Variants in DNM3 observed in about 807,000 individuals in gnomAD.
The protein encoded by DNM3 is dynamin-3.
In DNM3, 47 loss-of-function variants were observed where a neutral mutation model predicts 101.6. The observed-to-expected ratio is 0.46, with a 90% CI of 0.37 to 0.59. The LOEUF (loss-of-function observed/expected upper bound fraction) is 0.59, where lower values mean the gene tolerates loss of function less well. Ranked by LOEUF, DNM3 falls within the 20% of genes least tolerant of loss-of-function variation. The pLI is 0.00. For missense variants in DNM3, 849 were observed against 1,085.7 expected, an observed-to-expected ratio of 0.78 and a Z score of 3.06; for synonymous variants, 385 against 387.9, an observed-to-expected ratio of 0.99 and a Z score of 0.09.
At chr1:172,240,724 A>G (rs972063975) in intron 14 of DNM3, among the ~76,000 whole-genome samples, 1 of 152,216 alleles carries the variant, frequency 6.6e-6, no homozygotes, top group Non-Finnish European at 1.5e-5. Context: ...CATAAGTCAG[A>G]GTTGAAAGAC....
rs1199968252 is a variant in DNM3 at position 172,412,676 on chromosome 1, G to A, written c.*4835G>A. ...CATGTACCTATTGTGAAAATGTGAA[G>A]CTGTATTTCTGAAGCTGAAATAAAT... is the stretch of plus-strand genomic sequence containing the variant. On this transcript the variant is annotated 3_prime_UTR_variant, in exon 21 of 21. Coordinates refer to ENST00000627582, the MANE Select transcript of DNM3 (RefSeq NM_015569.5). 1.0e-6 allele frequency: 1 copy of A among 985,634 alleles called. No homozygotes were observed. The highest frequency in any genetic ancestry group is 4.7e-5 in the South Asian group (1 of 21,274). 61.1% of individuals were successfully genotyped at this position (985,634 alleles called of 1,614,324 possible).
At chr1:171,867,739 C>T (rs147753843) in intron 1 of DNM3, among the ~76,000 whole-genome samples, 214 of 152,244 alleles carry the variant, frequency 1.4e-3, no homozygotes, top group African/African-American at 4.9e-3. Context: ...AAGAACATCC[C>T]CATCATCCTA....
chr1:171,907,891 A>G (rs913029490), intron 1 of DNM3, among the ~76,000 whole-genome samples: 2 of 152,214 alleles, frequency 1.3e-5, no homozygotes, highest in Non-Finnish European at 2.9e-5. Context: ...TCATGTTGAC[A>G]TACAGAATTG....
chr1:171,851,661 G>A (rs1013439872), intron 1 of DNM3, among the ~76,000 whole-genome samples: 1 of 152,270 alleles, frequency 6.6e-6, no homozygotes, highest in Admixed American at 6.5e-5. Flanking sequence ...TGATTTGCCC[G>A]CCTCTGCCTC....
At chr1:171,842,207 C>G (rs1216418889) in intron 1 of DNM3, among the ~76,000 whole-genome samples, 1 of 152,134 alleles carries the variant, frequency 6.6e-6, no homozygotes, top group Non-Finnish European at 1.5e-5. Flanking sequence ...GTGCCCCTCT[C>G]CTGTTTTCCC....
intron 17 of DNM3, among the ~76,000 whole-genome samples, chr1:172,345,575 C>T (rs2066890941): frequency 6.6e-6 from 1 of 152,182 alleles, no homozygotes; most frequent in African/African-American, 2.4e-5. Context: ...CATACATACA[C>T]ATATGCACAC....
chr1:172,132,639 T>C (rs2057001282), intron 14 of DNM3, among the ~76,000 whole-genome samples: 1 of 152,128 alleles, frequency 6.6e-6, no homozygotes, highest in African/African-American at 2.4e-5. Flanking sequence ...CTCCAAGGAT[T>C]TAGATGATAA....
intron 15 of DNM3, among the ~76,000 whole-genome samples, chr1:172,308,407 G>A (rs1022874571): frequency 6.6e-6 from 1 of 152,280 alleles, no homozygotes. Flanking sequence ...CTGAGCAATA[G>A]CAATTCCTTC....
chr1:172,407,895 A>AC lies in DNM3; in HGVS notation c.*54_*55insC. 1.9e-6 allele frequency: 3 copies of AC among 1,611,646 alleles called. No homozygotes were observed. The highest frequency in any genetic ancestry group is 1.1e-5 in the South Asian group (1 of 90,978). On this transcript the variant is annotated 3_prime_UTR_variant, in exon 21 of 21. Coordinates refer to ENST00000627582, the MANE Select transcript of DNM3 (RefSeq NM_015569.5). ...CTAATGAATTATGCGAAAGCAACAT[A>AC]TTTGATAACCGTTGCAGTAAATCAT...
rs1481538694 is a variant in DNM3, at chr1:171,891,346, C to A, written c.162-30402C>A. On this transcript the variant is annotated intron_variant, in intron 1 of 20. Transcript: ENST00000627582. Reference sequence around the variant, plus strand: ...ATAGAAAAAATTACATGGGCAAGTGCTAAAAAAAAAAAACAGAAAAATTAC... The same window carrying A: ...ATAGAAAAAATTACATGGGCAAGTGATAAAAAAAAAAAACAGAAAAATTAC... 4.8e-5 allele frequency among the ~76,000 whole-genome samples: 6 copies of A among 126,158 alleles called. No homozygotes were observed. In the South Asian group the frequency reaches 8.3e-4, roughly 17 times the overall value. 82.8% of individuals were successfully genotyped at this position (126,158 alleles called of 152,430 possible). A position where few individuals can be genotyped will look rare whatever the true frequency, so the allele number is the denominator to read the frequency against.
intron 1 of DNM3, among the ~76,000 whole-genome samples, chr1:171,880,217 T>G (rs541596899): frequency 6.6e-6 from 1 of 152,354 alleles, no homozygotes; most frequent in South Asian, 2.1e-4. Flanking sequence ...GGAAACAATT[T>G]TCAGATGTAA....
At chr1:172,118,099 C>T (rs192900015) in intron 13 of DNM3, among the ~76,000 whole-genome samples, 21 of 152,286 alleles carry the variant, frequency 1.4e-4, no homozygotes, top group Admixed American at 5.9e-4. Flanking sequence ...CCAAAATCCA[C>T]AGAACAATCA....
intron 1 of DNM3, among the ~76,000 whole-genome samples, chr1:171,921,117 C>CT (rs71299441): frequency 0.28 from 39,995 of 142,290 alleles, 5,709 homozygotes; most frequent in Admixed American, 0.34. Context: ...TTTTTTTTTT[C>CT]TTTTTTTTTT....
chr1:171,857,087 G>A (rs1300873444), intron 1 of DNM3, among the ~76,000 whole-genome samples: 2 of 152,130 alleles, frequency 1.3e-5, no homozygotes, highest in African/African-American at 4.8e-5. Context: ...AGTGAATTGG[G>A]GCCCTATGGA....
chr1:172,328,340 G>A (rs1417950784), intron 17 of DNM3, among the ~76,000 whole-genome samples: 4 of 152,058 alleles, frequency 2.6e-5, no homozygotes, highest in Admixed American at 2.6e-4. Context: ...AATGGAACTG[G>A]TTTAACACTG....
intron 1 of DNM3, among the ~76,000 whole-genome samples, chr1:171,917,817 A>G (rs2039838278): frequency 6.6e-6 from 1 of 152,252 alleles, no homozygotes; most frequent in African/African-American, 2.4e-5. Flanking sequence ...AGTAATGCTA[A>G]AGGAATAGTC....
At chr1:171,854,043 C>T (rs368808999) in intron 1 of DNM3, among the ~76,000 whole-genome samples, 1 of 152,120 alleles carries the variant, frequency 6.6e-6, no homozygotes, top group Non-Finnish European at 1.5e-5. Flanking sequence ...TGGGTTCAAA[C>T]AATCAACCTA....
At chr1:171,926,311 G>C (rs1302998997) in intron 2 of DNM3, among the ~76,000 whole-genome samples, 1 of 152,176 alleles carries the variant, frequency 6.6e-6, no homozygotes, top group African/African-American at 2.4e-5. Flanking sequence ...GGGCAGTATA[G>C]TCATTTTAAC....
At chr1:172,075,263 G>A (rs1359826000) in intron 11 of DNM3, among the ~76,000 whole-genome samples, 3 of 151,772 alleles carry the variant, frequency 2.0e-5, no homozygotes, top group Admixed American at 1.3e-4. Context: ...TCTATAGGTT[G>A]CCTTTTCACT....
Sources: allele counts gnomAD v4.1 joint callset (sites outside exome capture counted in the v4.1 genomes callset), GRCh38; gene constraint gnomAD v4.1.1; transcripts MANE v1.5; gene names NCBI Gene and HGNC (gene_info 2026-07-23, HGNC 2026-07-21).